Variants in SLC44A1 observed in about 807,000 individuals in gnomAD.
The protein encoded by SLC44A1 is solute carrier family 44 member 1.
Under a neutral mutation model 79.3 loss-of-function variants are expected in SLC44A1, and 26 were observed. That is an observed-to-expected ratio of 0.33 (90% confidence interval 0.24 to 0.46). The LOEUF (loss-of-function observed/expected upper bound fraction) is 0.46, where lower values mean the gene tolerates loss of function less well. Among genes scored for constraint, SLC44A1 ranks in the 20% least tolerant of loss-of-function variants. The pLI, the probability that SLC44A1 is intolerant of heterozygous loss-of-function variation, is 1.00. For missense variants in SLC44A1, 688 were observed against 798.1 expected (o/e 0.86, Z 1.66); for synonymous variants, 263 against 286.2 (o/e 0.92, Z 0.82).
intron 15 of SLC44A1, among the ~76,000 whole-genome samples, chr9:105,413,360 G>C (rs1156865452): frequency 6.6e-6 from 1 of 152,182 alleles, no homozygotes; most frequent in African/African-American, 2.4e-5. Context: ...GATATAAGCT[G>C]AAGAATACTG....
Position 105,362,857 on chromosome 9 carries a change from C to T in SLC44A1, c.937C>T (p.Arg313Cys), listed in dbSNP as rs145083133. 55 of 1,610,684 alleles carry T rather than the reference C, an allele frequency of 3.4e-5. No individual in the cohort carries two copies. Among genetic ancestry groups the T allele is most frequent in the Admixed American group, 1.3e-4 (8 of 59,360 alleles). Residue 313 changes from arginine (R) to cysteine (C), a missense_variant, in exon 9 of 16, where the codon CGT becomes TGT. Physicochemically the swap from Arg to Cys is radical, Grantham distance 180. Coordinates refer to ENST00000374720, the MANE Select transcript of SLC44A1 (RefSeq NM_080546.5). The part of the protein sequence containing the change: ...LFLIMLVMRK[R>C]VALTIALFHV... ...CCTGATAATGTTGGTTATGCGCAAA[C>T]GTGTTGCTCTTACCATCGCCTTGTT... is the stretch of plus-strand genomic sequence containing the variant.
At chr9:105,311,733 T>G (rs928782175) in intron 3 of SLC44A1, among the ~76,000 whole-genome samples, 1 of 152,224 alleles carries the variant, frequency 6.6e-6, no homozygotes, top group African/African-American at 2.4e-5. Flanking sequence ...GATTTCTACT[T>G]CATCTTCTCT....
At chr9:105,261,830 A>G (rs1829847690) in intron 1 of SLC44A1, among the ~76,000 whole-genome samples, 1 of 130,714 alleles carries the variant, frequency 7.7e-6, no homozygotes, top group Non-Finnish European at 1.5e-5. Flanking sequence ...CTCAGGCTGG[A>G]GTGCAATGGC....
chr9:105,408,771 T>C, intron 15 of SLC44A1, among the ~76,000 whole-genome samples: 1 of 152,140 alleles, frequency 6.6e-6, no homozygotes, highest in East Asian at 1.9e-4. Context: ...TAATTATAAA[T>C]GTATCTGAAT....
At chr9:105,314,263 A>G (rs1831260224) in intron 3 of SLC44A1, among the ~76,000 whole-genome samples, 1 of 152,128 alleles carries the variant, frequency 6.6e-6, no homozygotes, top group Admixed American at 6.5e-5. Flanking sequence ...GCTTCTATCA[A>G]AGATGCTCCC....
Position 105,344,460 on chromosome 9 carries a change from CA to C in SLC44A1, c.407-3897del, listed in dbSNP as rs1403088295. ...GATAGAGGCCAGGGATGTTGCTAAA[CA>C]TCTTGCAATGCACAGGACAGCCCCC... On this transcript the variant is annotated intron_variant, in intron 4 of 15. Coordinates refer to ENST00000374720, the MANE Select transcript of SLC44A1 (RefSeq NM_080546.5). 4.6e-5 allele frequency among the ~76,000 whole-genome samples: 7 copies of C among 152,252 alleles called. No homozygotes were observed. The East Asian group carries it at 1.4e-3, about 29-fold the overall frequency.
chr9:105,321,811 A>C (rs1169317118), intron 3 of SLC44A1, among the ~76,000 whole-genome samples: 1 of 145,904 alleles, frequency 6.9e-6, no homozygotes, highest in Non-Finnish European at 1.5e-5. Context: ...ATAGTATTTT[A>C]ATTAAAAAAA....
chr9:105,397,380 T>C, downstream of SLC44A1: 4 of 982,108 alleles, frequency 4.1e-6, no homozygotes, highest in Non-Finnish European at 4.8e-6. Context: ...CACTTCCCCA[T>C]GCCCAGGGTG....
intron 15 of SLC44A1, among the ~76,000 whole-genome samples, chr9:105,421,582 CTT>C (rs1056443918): frequency 0.022 from 2,870 of 130,062 alleles, 34 homozygotes; most frequent in Non-Finnish European, 0.033. Flanking sequence ...TCAGAAATCT[CTT>C]TTTTTTTTTT....
chr9:105,315,620 C>T (rs1831302360), intron 3 of SLC44A1, among the ~76,000 whole-genome samples: 1 of 152,140 alleles, frequency 6.6e-6, no homozygotes, highest in Admixed American at 6.5e-5. Flanking sequence ...CTATACTATA[C>T]CACATAACCA....
chr9:105,282,240 CT>C (rs71501464), intron 1 of SLC44A1, among the ~76,000 whole-genome samples: 5,042 of 137,588 alleles, frequency 0.037, 219 homozygotes, highest in East Asian at 0.2. Context: ...TTCTTGGTTG[CT>C]TTTTTTTTTT....
At chr9:105,351,954 A>G (rs1309617361) in intron 5 of SLC44A1, among the ~76,000 whole-genome samples, 2 of 152,184 alleles carry the variant, frequency 1.3e-5, no homozygotes, top group African/African-American at 4.8e-5. Flanking sequence ...GTTCAACAAC[A>G]ACAAAGAGTA....
intron 5 of SLC44A1, among the ~76,000 whole-genome samples, chr9:105,351,632 G>GAGAA (rs55635937): frequency 0.091 from 9,201 of 101,332 alleles, 775 homozygotes; most frequent in African/African-American, 0.13. Flanking sequence ...GAGAGAGAAA[G>GAGAA]AGAAAGAAAG....
intron 15 of SLC44A1, among the ~76,000 whole-genome samples, chr9:105,420,861 CAAAAAAAAAAAAAA>C (rs34053627): frequency 1.6e-4 from 2 of 12,470 alleles, no homozygotes; most frequent in Non-Finnish European, 1.9e-4. Flanking sequence ...AACTCCATCT[CAAAAAAAAAAAAAA>C]AAAAAAAAAA....
intron 1 of SLC44A1, among the ~76,000 whole-genome samples, chr9:105,265,329 C>T (rs1291823924): frequency 6.6e-6 from 1 of 152,166 alleles, no homozygotes; most frequent in Non-Finnish European, 1.5e-5. Context: ...CCCTTGGCAA[C>T]CACTGATCTA....
intron 15 of SLC44A1, among the ~76,000 whole-genome samples, chr9:105,413,737 G>A (rs905653897): frequency 6.6e-6 from 1 of 152,208 alleles, no homozygotes; most frequent in African/African-American, 2.4e-5. Flanking sequence ...AGGCCACCTA[G>A]TGGAGTCACT....
intron 1 of SLC44A1, among the ~76,000 whole-genome samples, chr9:105,289,373 A>C (rs7046185): frequency 0.048 from 7,270 of 152,308 alleles, 584 homozygotes; most frequent in African/African-American, 0.16. Flanking sequence ...CATTTGAAGA[A>C]TATTTGAGTG....
At position 105,395,208 on chromosome 9, in the gene SLC44A1, GT is replaced by G. The variant is rs1435803382; in HGVS notation, c.*6160del. ...CCCACACTCCTAGAAAAGTTTGGGG[GT>G]TTTTTTTGTTTGTTTTTGGTGTTTT... On this transcript the variant is annotated 3_prime_UTR_variant, in exon 16 of 16. Transcript: ENST00000374720. 2.1e-5 allele frequency: 20 copies of G among 974,960 alleles called. No homozygotes were observed. Among genetic ancestry groups the G allele is most frequent in the African/African-American group, 5.3e-5 (3 of 56,914 alleles). 60.4% of individuals were successfully genotyped at this position (974,960 alleles called of 1,614,324 possible).
At chr9:105,419,640 C>T (rs927762079) in intron 15 of SLC44A1, among the ~76,000 whole-genome samples, 2 of 152,110 alleles carry the variant, frequency 1.3e-5, no homozygotes, top group Non-Finnish European at 2.9e-5. Context: ...TCTAGCTGGG[C>T]GCGGTGGCCC....
Sources: allele counts gnomAD v4.1 joint callset (sites outside exome capture counted in the v4.1 genomes callset), GRCh38; gene constraint gnomAD v4.1.1; transcripts MANE v1.5; gene names NCBI Gene and HGNC (gene_info 2026-07-23, HGNC 2026-07-21).